The following ITGB6 variants were observed in gnomAD, a reference collection of about 807,000 sequenced individuals.
The protein encoded by ITGB6 is integrin subunit beta 6, also known as integrin beta-6.
In ITGB6, 80 loss-of-function variants were observed where a neutral mutation model predicts 84.5. The observed-to-expected ratio is 0.95, with a 90% CI of 0.79 to 1.14. The LOEUF (loss-of-function observed/expected upper bound fraction) is 1.14, where lower values mean the gene tolerates loss of function less well. Ranked by LOEUF, ITGB6 falls within the 50% of genes most tolerant of loss-of-function variation. ITGB6 has a pLI of 0.00. For synonymous variants in ITGB6, 383 were observed against 354.9 expected (o/e 1.08, Z -0.89); for missense variants, 1,006 against 968.0 (o/e 1.04, Z -0.52).
chr2:160,109,056 T>C (rs1195743548), intron 13 of ITGB6, among the ~76,000 whole-genome samples: 1 of 152,202 alleles, frequency 6.6e-6, no homozygotes, highest in Non-Finnish European at 1.5e-5. Context: ...TCCTAAGTCT[T>C]ACTGCTTTTA....
chr2:160,161,674 T>C (rs777632892), intron 7 of ITGB6, among the ~76,000 whole-genome samples: 2 of 149,724 alleles, frequency 1.3e-5, no homozygotes, highest in Non-Finnish European at 3.0e-5. Flanking sequence ...CTTCTTTGGG[T>C]TTTCTGTATT....
chr2:160,154,939 T>C (rs968646547), intron 7 of ITGB6, among the ~76,000 whole-genome samples: 30 of 152,172 alleles, frequency 2.0e-4, no homozygotes, highest in African/African-American at 7.2e-4. Flanking sequence ...TGGAGGTGAA[T>C]GGATCATGGG....
intron 4 of ITGB6, among the ~76,000 whole-genome samples, chr2:160,193,229 C>G (rs1317950457): frequency 1.3e-5 from 2 of 152,032 alleles, no homozygotes; most frequent in Non-Finnish European, 2.9e-5. Flanking sequence ...TAGAAACAAC[C>G]CAAATGTCCA....
At chr2:160,179,396 T>C (rs944529856) in intron 4 of ITGB6, among the ~76,000 whole-genome samples, 4 of 146,310 alleles carry the variant, frequency 2.7e-5, no homozygotes, top group Non-Finnish European at 4.5e-5. Context: ...TTTTCTTTTT[T>C]TTTTTTTTTT....
chr2:160,106,123 A>T (rs1195449085), intron 14 of ITGB6, among the ~76,000 whole-genome samples: 2 of 152,196 alleles, frequency 1.3e-5, no homozygotes, highest in African/African-American at 2.4e-5. Flanking sequence ...AAAAATATGG[A>T]TATTTTCTAG....
chr2:160,121,469 A>G (rs551798987), intron 12 of ITGB6, among the ~76,000 whole-genome samples: 1 of 152,310 alleles, frequency 6.6e-6, no homozygotes, highest in African/African-American at 2.4e-5. Context: ...CTCTGAGTAC[A>G]TGTATGTTAA....
At chr2:160,119,217 A>G (rs1682920988) in intron 12 of ITGB6, among the ~76,000 whole-genome samples, 1 of 152,244 alleles carries the variant, frequency 6.6e-6, no homozygotes, top group Non-Finnish European at 1.5e-5. Flanking sequence ...AGTCAATCCT[A>G]AGCCAAAAGA....
At chr2:160,141,422 G>A (rs6740955) in intron 8 of ITGB6, among the ~76,000 whole-genome samples, 7,535 of 152,208 alleles carry the variant, frequency 0.05, 556 homozygotes, top group African/African-American at 0.17. Flanking sequence ...CTGTCCTCAG[G>A]TACTAATTCC....
rs57050610 is a variant in ITGB6, at chr2:160,191,483, T to A, written c.593+3886A>T. ...ATTTAACAACCATTTATAATTTTTT[T>A]AAAAAAACTTACCAAGCAAGGAATA... On this transcript the variant is annotated intron_variant, in intron 4 of 14. Coordinates refer to ENST00000283249, the MANE Select transcript of ITGB6 (RefSeq NM_000888.5). Among the ~76,000 whole-genome samples the A allele has an allele frequency of 4.2e-3, 642 of 152,254 alleles. 4 individuals carry two copies. Among genetic ancestry groups the A allele is most frequent in the African/African-American group, 0.013 (551 of 41,546 alleles).
chr2:160,111,878 C>A (rs976037095), intron 13 of ITGB6, among the ~76,000 whole-genome samples: 1 of 152,116 alleles, frequency 6.6e-6, no homozygotes, highest in Non-Finnish European at 1.5e-5. Flanking sequence ...CCGTGCCCGA[C>A]CCTTATCTGG....
At chr2:160,198,170 T>C (rs1007827126) in intron 2 of ITGB6, among the ~76,000 whole-genome samples, 5 of 152,210 alleles carry the variant, frequency 3.3e-5, no homozygotes, top group African/African-American at 1.2e-4. Context: ...TCTTGTATAT[T>C]CTCAATCCTG....
Position 160,137,517 on chromosome 2 carries a change from A to C in ITGB6, c.1577T>G (p.Leu526Trp), listed in dbSNP as rs184765465. The C allele has an allele frequency of 1.9e-6, 3 of 1,614,082 alleles. No homozygotes were observed. The South Asian group carries it at 3.3e-5, about 18-fold the overall frequency. Residue 526 changes from leucine (L) to tryptophan (W), a missense_variant, in exon 10 of 15, where the codon TTG (leucine) becomes TGG (tryptophan). Physicochemically the swap from Leu to Trp is moderately conservative, Grantham distance 61. Coordinates refer to ENST00000283249, the MANE Select transcript of ITGB6 (RefSeq NM_000888.5). ...CCCATAAATGTTTCCATAGGGAGAC[A>C]AGTGGCAGATACACTGCCCACAGTA... ...DCYCGQCICH[L>W]SPYGNIYGPY... is the part of the protein sequence containing the mutation.
chr2:160,102,262 T>C (rs920906681), intron 14 of ITGB6, among the ~76,000 whole-genome samples: 6 of 152,044 alleles, frequency 3.9e-5, no homozygotes, highest in African/African-American at 1.2e-4. Context: ...AGTAGGAACA[T>C]ACAAAAATGA....
chr2:160,156,960 C>T (rs1684645974), intron 7 of ITGB6, among the ~76,000 whole-genome samples: 1 of 152,140 alleles, frequency 6.6e-6, no homozygotes, highest in Non-Finnish European at 1.5e-5. Flanking sequence ...CGAAGTCCCA[C>T]AAACTGGGTG....
chr2:160,111,205 G>A (rs939143803), intron 13 of ITGB6, among the ~76,000 whole-genome samples: 5 of 151,794 alleles, frequency 3.3e-5, no homozygotes, highest in African/African-American at 4.8e-5. Flanking sequence ...CTGGAAATTC[G>A]TTTTTGTTTT....
chr2:160,123,638 T>A (rs1318844743), intron 12 of ITGB6, among the ~76,000 whole-genome samples, 153 bp downstream of exon 12: 1 of 152,206 alleles, frequency 6.6e-6, no homozygotes, highest in African/African-American at 2.4e-5. Flanking sequence ...TCTTATAGGA[T>A]GCATTTACTC....
intron 8 of ITGB6, among the ~76,000 whole-genome samples, chr2:160,138,624 C>T (rs2105820396): frequency 6.6e-6 from 1 of 152,290 alleles, no homozygotes; most frequent in African/African-American, 2.4e-5. Flanking sequence ...TAAACAACAG[C>T]TTCCTTTATG....
Position 160,195,396 on chromosome 2 carries a change from G to A in ITGB6, c.566C>T (p.Thr189Ile), listed in dbSNP as rs1686291437. ...GCAAGGGTTGGCAATTTCTTCTGGT[G>A]TTGTTTTCACAAAAGGGGATACAGG... is the stretch of plus-strand genomic sequence containing the variant. ...EKPVSPFVKT[T>I]PEEIANPCSS... The change falls in exon 4 of 15, where the codon ACA (threonine) becomes ATA (isoleucine). Residue 189 changes from threonine to isoleucine, a missense_variant. Coordinates refer to ENST00000283249, the MANE Select transcript of ITGB6 (RefSeq NM_000888.5). 1 of 1,614,074 alleles carries A rather than the reference G, an allele frequency of 6.2e-7. No individual in the cohort carries two copies. The highest frequency in any genetic ancestry group is 1.7e-5 in the Admixed American group (1 of 60,002).
At chr2:160,195,252 A>T in intron 4 of ITGB6, 117 bp downstream of exon 4, 2 of 1,329,478 alleles carry the variant, frequency 1.5e-6, no homozygotes, top group Non-Finnish European at 2.1e-6. Flanking sequence ...GCTGAGATCC[A>T]ACCAGACAAG....
Sources: allele counts gnomAD v4.1 joint callset (sites outside exome capture counted in the v4.1 genomes callset), GRCh38; gene constraint gnomAD v4.1.1; transcripts MANE v1.5; gene names NCBI Gene and HGNC (gene_info 2026-07-23, HGNC 2026-07-21).